PRKCB: variants seen among roughly 807,000 people sequenced by gnomAD.
PRKCB encodes protein kinase C beta type.
PRKCB carries 13 observed loss-of-function variants against 81.5 expected under a neutral mutation model. The observed-to-expected ratio is 0.16, with a 90% CI of 0.10 to 0.25. The LOEUF is 0.25. Ranked by LOEUF, PRKCB falls within the 10% of genes least tolerant of loss-of-function variation. The pLI is 1.00. For synonymous variants in PRKCB, 335 were observed against 321.4 expected (o/e 1.04, Z -0.45); for missense variants, 509 against 875.7 (o/e 0.58, Z 5.29).
At chr16:24,119,968 T>C (rs188743109) in intron 8 of PRKCB, among the ~76,000 whole-genome samples, 1 of 152,278 alleles carries the variant, frequency 6.6e-6, no homozygotes, top group East Asian at 1.9e-4. Context: ...CTCAAATGCC[T>C]GTACACAGGA....
intron 9 of PRKCB, among the ~76,000 whole-genome samples, chr16:24,129,684 CTTA>C (rs1966850453): frequency 6.6e-6 from 1 of 150,488 alleles, no homozygotes; most frequent in African/African-American, 2.5e-5. Context: ...ATCTGTCTAT[CTTA>C]TTATCTATCA....
intron 2 of PRKCB, among the ~76,000 whole-genome samples, chr16:23,957,085 A>G (rs2141785454): frequency 6.6e-6 from 1 of 152,000 alleles, no homozygotes; most frequent in African/African-American, 2.4e-5. Flanking sequence ...GAAAAAGATT[A>G]GACAGTTTCA....
chr16:24,110,918 T>A (rs766942838), intron 7 of PRKCB, among the ~76,000 whole-genome samples: 1 of 152,220 alleles, frequency 6.6e-6, no homozygotes, highest in Non-Finnish European at 1.5e-5. Flanking sequence ...AAATAAAAAG[T>A]GTCCTTTAAA....
chr16:23,868,883 A>G (rs1962855178), intron 2 of PRKCB, among the ~76,000 whole-genome samples: 1 of 152,212 alleles, frequency 6.6e-6, no homozygotes. Flanking sequence ...TCTCCCAAGA[A>G]CTTTCTAATG....
rs79199579 is a variant in PRKCB, at chr16:24,136,831, A to G, written c.1065+12850A>G. On this transcript the variant is annotated intron_variant, in intron 9 of 16. Coordinates refer to ENST00000643927, the MANE Select transcript of PRKCB (RefSeq NM_002738.7). ...TGTCTGGCACACAGGCCAAAGTGGG[A>G]GTTTCCTTTAAATGTGTATTATTTT... Among the ~76,000 whole-genome samples, 195 of 152,180 alleles carry G rather than the reference A, an allele frequency of 1.3e-3. 3 individuals carry two copies. The East Asian group carries it at 0.028, about 22-fold the overall frequency.
chr16:24,151,009 G>C (rs913864634), intron 9 of PRKCB, among the ~76,000 whole-genome samples: 8 of 152,166 alleles, frequency 5.3e-5, no homozygotes, highest in Non-Finnish European at 5.9e-5. Context: ...TATCTCCTAC[G>C]ATGCGGAGCA....
intron 2 of PRKCB, among the ~76,000 whole-genome samples, chr16:23,860,171 A>G (rs1962641522): frequency 1.3e-5 from 2 of 152,160 alleles, no homozygotes; most frequent in Admixed American, 6.5e-5. Flanking sequence ...GACCTACCTA[A>G]TAAGAGTTGT....
At chr16:23,911,196 G>A (rs1380264167) in intron 2 of PRKCB, among the ~76,000 whole-genome samples, 1 of 123,750 alleles carries the variant, frequency 8.1e-6, no homozygotes, top group African/African-American at 3.2e-5. Context: ...CACAATCACA[G>A]CTCATTGCAG....
intron 5 of PRKCB, among the ~76,000 whole-genome samples, chr16:24,091,261 C>T (rs991252697): frequency 1.7e-4 from 26 of 152,148 alleles, no homozygotes; most frequent in African/African-American, 6.3e-4. Context: ...CTTCTTTGAT[C>T]TATAAATATG....
chr16:24,204,027 G>A (rs1968005366), intron 16 of PRKCB, among the ~76,000 whole-genome samples: 1 of 151,874 alleles, frequency 6.6e-6, no homozygotes, highest in Non-Finnish European at 1.5e-5. Flanking sequence ...ATATGGGTAG[G>A]AATTTAGGGT....
Position 24,181,883 on chromosome 16 carries a change from C to T in PRKCB, c.1533+955C>T, listed in dbSNP as rs79426223. 2.6e-3 allele frequency among the ~76,000 whole-genome samples: 382 copies of T among 145,828 alleles called. 2 individuals are homozygous for T. Among genetic ancestry groups the T allele is most frequent in the African/African-American group, 9.4e-3 (369 of 39,370 alleles). ...TCTGTTTTCAATGAGTAAAAGCATA[C>T]AAAAATCTGGAAGATTTCAAACTGA... On this transcript the variant is annotated intron_variant, in intron 13 of 16. Transcript: ENST00000643927.
At chr16:24,111,189 A>C (rs997813809) in intron 7 of PRKCB, 1 of 152,176 alleles carries the variant, frequency 6.6e-6, no homozygotes, top group Admixed American at 6.6e-5. Flanking sequence ...TTTGGAAGAA[A>C]ATTTGGAATA....
chr16:24,219,872 G>C lies in PRKCB; in HGVS notation c.*5056G>C. On this transcript the variant is annotated 3_prime_UTR_variant, in exon 17 of 17. Transcript: ENST00000643927. Reference sequence around the variant, plus strand: ...GGGCTCTTTCTGACTCTGCTCATGAGATGGTATCAGCCACCCAATGACTGG... The same window carrying C: ...GGGCTCTTTCTGACTCTGCTCATGACATGGTATCAGCCACCCAATGACTGG... 6.6e-7 allele frequency: 1 copy of C among 1,509,090 alleles called. No homozygotes were observed. The highest frequency in any genetic ancestry group is 8.9e-7 in the Non-Finnish European group (1 of 1,125,720). The allele number at this position is 1,509,090 out of a possible 1,614,324, so 93.5% of individuals were successfully genotyped here.
chr16:23,986,495 T>A (rs1964805856), intron 2 of PRKCB, among the ~76,000 whole-genome samples: 1 of 152,142 alleles, frequency 6.6e-6, no homozygotes, highest in Non-Finnish European at 1.5e-5. Context: ...CAAGTGATCC[T>A]CCTGCCTTGG....
At chr16:24,063,619 A>AT (rs564792268) in intron 5 of PRKCB, among the ~76,000 whole-genome samples, 7 of 151,834 alleles carry the variant, frequency 4.6e-5, no homozygotes, top group Admixed American at 1.3e-4. Flanking sequence ...ACTGGGTTCC[A>AT]TTTTTTTTAT....
rs376806264 is a variant in PRKCB at position 23,956,936 on chromosome 16, A to C, written c.206-31572A>C. Among the ~76,000 whole-genome samples, 21 of 149,822 alleles carry C rather than the reference A, an allele frequency of 1.4e-4. No homozygotes were observed. The East Asian group carries it at 3.5e-3, about 25-fold the overall frequency. On this transcript the variant is annotated intron_variant, in intron 2 of 16. Transcript: ENST00000643927. ...GGAAGGATGCTGAGTTTGATTCCTAACTCATACAAAAATAAATTACAGGTG... is the reference window on the plus strand; with the variant it reads ...GGAAGGATGCTGAGTTTGATTCCTACCTCATACAAAAATAAATTACAGGTG...
chr16:24,151,708 A>C (rs138201169), intron 9 of PRKCB: 44 of 437,908 alleles, frequency 1.0e-4, no homozygotes, highest in Non-Finnish European at 1.8e-4. Flanking sequence ...AAAGAACAGG[A>C]TGTGGTCATG....
At chr16:24,098,237 A>G (rs1309931657) in intron 7 of PRKCB, 4 of 152,224 alleles carry the variant, frequency 2.6e-5, no homozygotes, top group Non-Finnish European at 4.4e-5. Context: ...AAGATAGATA[A>G]TGGGCATTAA....
At chr16:24,071,520 C>T (rs370093963) in intron 5 of PRKCB, among the ~76,000 whole-genome samples, 1 of 151,264 alleles carries the variant, frequency 6.6e-6, no homozygotes, top group Non-Finnish European at 1.5e-5. Flanking sequence ...CCAATTTCCA[C>T]CAATTTTAAT....
Sources: allele counts gnomAD v4.1 joint callset (sites outside exome capture counted in the v4.1 genomes callset), GRCh38; gene constraint gnomAD v4.1.1; transcripts MANE v1.5; gene names NCBI Gene and HGNC (gene_info 2026-07-23, HGNC 2026-07-21).